The following TNRC6C variants were observed in gnomAD, a reference collection of about 807,000 sequenced individuals.
TNRC6C encodes trinucleotide repeat-containing gene 6C protein.
Under a neutral mutation model 153.7 loss-of-function variants are expected in TNRC6C, and 20 were observed. The ratio of observed to expected loss-of-function variants is 0.13; its 90% CI spans 0.09 to 0.19. TNRC6C has a LOEUF of 0.19. Ranked by LOEUF, TNRC6C falls within the 10% of genes least tolerant of loss-of-function variation. The pLI is 1.00. For synonymous variants in TNRC6C, 811 were observed against 841.4 expected (o/e 0.96, Z 0.63); for missense variants, 1,987 against 2,172.0 (o/e 0.91, Z 1.69).
chr17:78,032,974 A>G (rs937483529), intron 2 of TNRC6C, among the ~76,000 whole-genome samples: 3 of 152,230 alleles, frequency 2.0e-5, no homozygotes, highest in African/African-American at 7.2e-5. Flanking sequence ...GACCAAGAAT[A>G]TAGTCTCATC....
chr17:78,024,611 C>T (rs2071899620), intron 1 of TNRC6C, among the ~76,000 whole-genome samples: 2 of 151,352 alleles, frequency 1.3e-5, no homozygotes, highest in Non-Finnish European at 3.0e-5. Flanking sequence ...GTGATCTGCC[C>T]ACTTTGGCCT....
intron 2 of TNRC6C, chr17:78,041,085 T>TAGGGACACTA (rs2072283826): frequency 6.6e-6 from 1 of 152,132 alleles, no homozygotes; most frequent in Non-Finnish European, 1.5e-5. Flanking sequence ...CGAGGTGGCG[T>TAGGGACACTA]CTCCTAGGAG....
chr17:77,998,937 A>G (rs1318874675), intron 1 of TNRC6C, among the ~76,000 whole-genome samples: 1 of 152,210 alleles, frequency 6.6e-6, no homozygotes, highest in African/African-American at 2.4e-5. Flanking sequence ...TTAGCAGGCA[A>G]TCAGCCTGGG....
At chr17:78,080,314 C>T (rs1485873689) in intron 10 of TNRC6C, among the ~76,000 whole-genome samples, 19 of 152,132 alleles carry the variant, frequency 1.2e-4, no homozygotes, top group African/African-American at 4.3e-4. Context: ...GGTGTGGTGG[C>T]GCATGCCTGT....
At chr17:77,998,918 G>T (rs908871302) in intron 1 of TNRC6C, among the ~76,000 whole-genome samples, 1 of 152,168 alleles carries the variant, frequency 6.6e-6, no homozygotes, top group African/African-American at 2.4e-5. Flanking sequence ...TTGTTGTTTT[G>T]TTTTTGTTTT....
chr17:77,965,110 A>G (rs2070887529), intron 1 of TNRC6C, among the ~76,000 whole-genome samples: 1 of 152,072 alleles, frequency 6.6e-6, no homozygotes, highest in African/African-American at 2.4e-5. Flanking sequence ...TCCTCACAAC[A>G]CTCCTGTGAA....
chr17:78,084,159 C>T lies in TNRC6C; in HGVS notation c.3477+993C>T, dbSNP rs368938134. On this transcript the variant is annotated intron_variant, in intron 11 of 19. Coordinates refer to ENST00000301624, the Ensembl canonical transcript of TNRC6C. ...ATTAGCCGGGCATGATGGCGCATGT[C>T]TGTAATCCCAGCTATTCGGGAGGCT... 2.4e-4 allele frequency among the ~76,000 whole-genome samples: 36 copies of T among 152,154 alleles called. 3 individuals are homozygous for T. The highest frequency in any genetic ancestry group is 8.4e-4 in the African/African-American group (35 of 41,522).
intron 3 of TNRC6C, among the ~76,000 whole-genome samples, chr17:78,062,595 G>A (rs1206410822): frequency 6.6e-6 from 1 of 152,174 alleles, no homozygotes; most frequent in Non-Finnish European, 1.5e-5. Flanking sequence ...GATACAAGCT[G>A]TCAACATATC....
chr17:78,011,421 G>A (rs1304711571), intron 1 of TNRC6C, among the ~76,000 whole-genome samples: 1 of 152,138 alleles, frequency 6.6e-6, no homozygotes, highest in East Asian at 1.9e-4. Context: ...CTAGAACATT[G>A]TATTGAGGGA....
intron 1 of TNRC6C, among the ~76,000 whole-genome samples, chr17:77,963,710 A>G (rs1024912464): frequency 2.6e-5 from 4 of 152,238 alleles, no homozygotes; most frequent in African/African-American, 9.6e-5. Context: ...GCAAACCACA[A>G]CAGAAGTAAT....
intron 16 of TNRC6C, among the ~76,000 whole-genome samples, chr17:78,097,475 C>T (rs139754541): frequency 8.5e-5 from 13 of 152,252 alleles, no homozygotes; most frequent in South Asian, 6.2e-4. Context: ...AGCATTCTGG[C>T]GGGAATTCTC....
At chr17:78,002,202 C>T (rs2071423259), upstream of TNRC6C, among the ~76,000 whole-genome samples, 1 of 151,834 alleles carries the variant, frequency 6.6e-6, no homozygotes, top group African/African-American at 2.4e-5. Context: ...ATAAAGTTTT[C>T]CTTAAAAGGA....
chr17:78,084,988 T>G (rs1300990717), intron 11 of TNRC6C, among the ~76,000 whole-genome samples: 1 of 152,160 alleles, frequency 6.6e-6, no homozygotes, highest in Admixed American at 6.6e-5. Flanking sequence ...GGAATCGCTG[T>G]GGGGAGGCAG....
intron 7 of TNRC6C, among the ~76,000 whole-genome samples, chr17:78,074,132 A>G (rs1201126988): frequency 6.6e-6 from 1 of 152,200 alleles, no homozygotes; most frequent in Non-Finnish European, 1.5e-5. Flanking sequence ...GAGCTTAGAA[A>G]CATGAGACAG....
chr17:78,002,490 C>T (rs1045303435), upstream of TNRC6C, among the ~76,000 whole-genome samples: 1 of 152,188 alleles, frequency 6.6e-6, no homozygotes, highest in African/African-American at 2.4e-5. Flanking sequence ...GCATTTTATA[C>T]TTGTTGCTGT....
At chr17:78,007,097 G>A (rs530479429) in intron 1 of TNRC6C, among the ~76,000 whole-genome samples, 6 of 151,952 alleles carry the variant, frequency 3.9e-5, no homozygotes, top group South Asian at 2.1e-4. Flanking sequence ...CCCCCACCTC[G>A]GCCTGCCAAA....
At chr17:77,964,348 T>C (rs1438457352) in intron 1 of TNRC6C, among the ~76,000 whole-genome samples, 2 of 152,220 alleles carry the variant, frequency 1.3e-5, no homozygotes, top group African/African-American at 4.8e-5. Flanking sequence ...GTTGAATTAT[T>C]CTCAGCAGTT....
chr17:78,006,132 C>T (rs1301936238), intron 1 of TNRC6C, among the ~76,000 whole-genome samples: 1 of 152,152 alleles, frequency 6.6e-6, no homozygotes, highest in Non-Finnish European at 1.5e-5. Context: ...AATTCGTTTA[C>T]AGATAATCTC....
At chr17:78,082,378 G>T (rs900341195) in intron 10 of TNRC6C, among the ~76,000 whole-genome samples, 2 of 152,064 alleles carry the variant, frequency 1.3e-5, no homozygotes, top group Non-Finnish European at 2.9e-5. Flanking sequence ...ACAGTATACA[G>T]GGATAAGAAT....
Sources: allele counts gnomAD v4.1 joint callset (sites outside exome capture counted in the v4.1 genomes callset), GRCh38; gene constraint gnomAD v4.1.1; transcripts MANE v1.5; gene names NCBI Gene and HGNC (gene_info 2026-07-23, HGNC 2026-07-21).